Variants in ETV1 observed in about 807,000 individuals in gnomAD.
ETV1 encodes the protein ETS variant transcription factor 1.
In ETV1, 27 loss-of-function variants were observed where a neutral mutation model predicts 62.3. The observed-to-expected ratio is 0.43, with a 90% confidence interval of 0.32 to 0.60. The LOEUF (loss-of-function observed/expected upper bound fraction) is 0.60, where lower values mean the gene tolerates loss of function less well. ETV1 is among the 20% of genes least tolerant of loss of function. ETV1 has a pLI of 0.06. For synonymous variants in ETV1, 222 were observed against 199.6 expected, an observed-to-expected ratio of 1.11 and a Z score of -0.94; for missense variants, 605 against 605.8, an observed-to-expected ratio of 1.00 and a Z score of 0.01.
At chr7:13,976,968 C>T (rs1373880189) in intron 6 of ETV1, among the ~76,000 whole-genome samples, 4 of 152,130 alleles carry the variant, frequency 2.6e-5, no homozygotes, top group Non-Finnish European at 4.4e-5. Flanking sequence ...TACAATACTA[C>T]AATAAGCCAA....
At chr7:13,988,925 C>A in intron 3 of ETV1, 83 bp downstream of exon 3, 2 of 1,062,598 alleles carry the variant, frequency 1.9e-6, no homozygotes, top group African/African-American at 1.6e-5. Flanking sequence ...AACCCCCGTG[C>A]CCCCTCCCTT....
intron 9 of ETV1, among the ~76,000 whole-genome samples, chr7:13,925,110 G>A (rs1785258597): frequency 6.6e-6 from 1 of 152,164 alleles, no homozygotes; most frequent in Non-Finnish European, 1.5e-5. Flanking sequence ...ATGCAGCATT[G>A]TCCTTTATTT....
chr7:13,964,394 T>A (rs1009388520), intron 6 of ETV1, among the ~76,000 whole-genome samples: 1 of 152,156 alleles, frequency 6.6e-6, no homozygotes, highest in Non-Finnish European at 1.5e-5. Flanking sequence ...AAACATCTTA[T>A]GGTTTAGGAC....
chr7:13,988,872 T>C (rs1782809711), intron 3 of ETV1, 136 bp downstream of exon 3: 1 of 1,572,390 alleles, frequency 6.4e-7, no homozygotes, highest in African/African-American at 1.4e-5. Flanking sequence ...AGAAGCAGAG[T>C]CGCCCTACAG....
At chr7:13,944,845 T>C (rs1275755327) in intron 6 of ETV1, among the ~76,000 whole-genome samples, 3 of 152,250 alleles carry the variant, frequency 2.0e-5, no homozygotes, top group South Asian at 4.1e-4. Flanking sequence ...ATGACTAGTA[T>C]CCTTATAAAA....
chr7:13,965,190 C>T (rs760329368), intron 6 of ETV1, among the ~76,000 whole-genome samples: 47 of 152,176 alleles, frequency 3.1e-4, no homozygotes, highest in Non-Finnish European at 6.2e-4. Flanking sequence ...ATAAACATCT[C>T]TTGAATTCTG....
At chr7:13,923,822 C>T (rs1404721883) in intron 9 of ETV1, among the ~76,000 whole-genome samples, 2 of 151,968 alleles carry the variant, frequency 1.3e-5, no homozygotes, top group Non-Finnish European at 2.9e-5. Context: ...CACCTAAGGT[C>T]GGAAGTTTGA....
intron 8 of ETV1, 80 bp downstream of exon 8, chr7:13,935,628 T>C: frequency 8.3e-7 from 1 of 1,211,878 alleles, no homozygotes; most frequent in Non-Finnish European, 1.2e-6. Flanking sequence ...AAATCTACTC[T>C]AGGCCTTCAG....
intron 6 of ETV1, among the ~76,000 whole-genome samples, chr7:13,952,491 T>A (rs1232803917): frequency 6.6e-6 from 1 of 152,186 alleles, no homozygotes; most frequent in Non-Finnish European, 1.5e-5. Flanking sequence ...CCAATGTTCA[T>A]AATGGCAACC....
intron 6 of ETV1, among the ~76,000 whole-genome samples, chr7:13,950,345 A>T (rs1347741780): frequency 6.6e-6 from 1 of 152,150 alleles, no homozygotes; most frequent in African/African-American, 2.4e-5. Flanking sequence ...GGGAGCATCA[A>T]ACTTTTGTGA....
At chr7:13,971,536 T>A (rs1780902196) in intron 6 of ETV1, among the ~76,000 whole-genome samples, 2 of 152,186 alleles carry the variant, frequency 1.3e-5, no homozygotes, top group South Asian at 4.1e-4. Flanking sequence ...TTTTTTCCAA[T>A]GGACTTGCAT....
chr7:13,958,416 G>T lies in ETV1; in HGVS notation c.235+19011C>A, dbSNP rs17167689. ...AAACACTGCTACCATTCTCTCTGATGGACAGAGCAATTAATACCTGGTCTT... is the reference window on the plus strand; with the variant it reads ...AAACACTGCTACCATTCTCTCTGATTGACAGAGCAATTAATACCTGGTCTT... On this transcript the variant is annotated intron_variant, in intron 6 of 13. Transcript: ENST00000430479. Among the ~76,000 whole-genome samples, 422 of 152,186 alleles carry T rather than the reference G, an allele frequency of 2.8e-3. 12 individuals are homozygous for T. In the East Asian group the frequency reaches 0.054, roughly 19 times the overall value.
intron 4 of ETV1, 52 bp downstream of exon 4, chr7:13,988,034 G>C: frequency 2.1e-6 from 2 of 963,820 alleles, no homozygotes; most frequent in Non-Finnish European, 3.4e-6. Flanking sequence ...CTTTTAGCAG[G>C]GTGGAGAGTG....
At chr7:13,968,826 C>G (rs972972947) in intron 6 of ETV1, among the ~76,000 whole-genome samples, 2 of 151,966 alleles carry the variant, frequency 1.3e-5, no homozygotes, top group African/African-American at 4.8e-5. Flanking sequence ...GGTTAAGAGA[C>G]ATACCCAAGG....
chr7:13,979,269 T>C (rs1419028043), intron 5 of ETV1, among the ~76,000 whole-genome samples: 4 of 152,046 alleles, frequency 2.6e-5, no homozygotes, highest in Non-Finnish European at 4.4e-5. Context: ...ATGTTCCTTA[T>C]TTTCTTCTTT....
intron 6 of ETV1, among the ~76,000 whole-genome samples, chr7:13,971,677 T>C (rs1420313717): frequency 6.6e-6 from 1 of 152,150 alleles, no homozygotes; most frequent in African/African-American, 2.4e-5. Flanking sequence ...AATGTAAATG[T>C]GAAAGTCACT....
intron 8 of ETV1, among the ~76,000 whole-genome samples, chr7:13,932,080 G>A (rs1723155017): frequency 6.7e-6 from 1 of 149,584 alleles, no homozygotes; most frequent in African/African-American, 2.5e-5. Flanking sequence ...AACGATTAAT[G>A]GCTAAAATGC....
intron 6 of ETV1, among the ~76,000 whole-genome samples, chr7:13,961,531 C>G (rs564809315): frequency 6.6e-6 from 1 of 151,954 alleles, no homozygotes; most frequent in Non-Finnish European, 1.5e-5. Flanking sequence ...TCAGGCTGAG[C>G]GAACACTATA....
At chr7:13,910,213 A>G (rs1017460477) in intron 10 of ETV1, among the ~76,000 whole-genome samples, 9 of 142,968 alleles carry the variant, frequency 6.3e-5, no homozygotes, top group Admixed American at 4.4e-4. Flanking sequence ...AGATAAGAGG[A>G]AAAAAAAAGT....
Sources: allele counts gnomAD v4.1 joint callset (sites outside exome capture counted in the v4.1 genomes callset), GRCh38; gene constraint gnomAD v4.1.1; transcripts MANE v1.5; gene names NCBI Gene and HGNC (gene_info 2026-07-23, HGNC 2026-07-21).